The following KCNH1 variants were observed in gnomAD, a reference collection of about 807,000 sequenced individuals.
KCNH1 encodes the protein potassium voltage-gated channel subfamily H member 1.
Under a neutral mutation model 69.2 loss-of-function variants are expected in KCNH1, and 27 were observed. The observed-to-expected ratio is 0.39, with a 90% CI of 0.29 to 0.54. The LOEUF is 0.54. KCNH1 is among the 20% of genes least tolerant of loss of function. The pLI is 0.68. For synonymous variants in KCNH1, 456 were observed against 487.7 expected (o/e 0.93, Z 0.86); for missense variants, 798 against 1,261.6 (o/e 0.63, Z 5.57).
chr1:211,109,160 T>C (rs1454816017), intron 1 of KCNH1, among the ~76,000 whole-genome samples: 1 of 152,156 alleles, frequency 6.6e-6, no homozygotes, highest in Non-Finnish European at 1.5e-5. Flanking sequence ...TAAAATATGG[T>C]CACTGTCTTC....
intron 7 of KCNH1, among the ~76,000 whole-genome samples, chr1:210,818,754 T>C (rs1684868871): frequency 1.3e-5 from 2 of 152,206 alleles, no homozygotes; most frequent in East Asian, 3.8e-4. Flanking sequence ...AGCTCATATG[T>C]GGTAACCAAC....
intron 10 of KCNH1, among the ~76,000 whole-genome samples, chr1:210,705,526 G>A (rs1382985661): frequency 6.6e-6 from 1 of 152,208 alleles, no homozygotes; most frequent in Non-Finnish European, 1.5e-5. Context: ...TGAAGCCAGA[G>A]GGTCGACCCT....
intron 7 of KCNH1, among the ~76,000 whole-genome samples, chr1:210,857,112 C>T (rs953556205): frequency 2.0e-5 from 3 of 151,686 alleles, no homozygotes; most frequent in African/African-American, 7.3e-5. Context: ...GTTAACAAGA[C>T]CCTCAGGTGA....
intron 7 of KCNH1, among the ~76,000 whole-genome samples, chr1:210,876,413 C>A (rs1315535440): frequency 2.0e-5 from 3 of 152,092 alleles, no homozygotes; most frequent in Admixed American, 6.6e-5. Flanking sequence ...TTGACAGCCA[C>A]TCATTGGAAT....
At chr1:210,920,673 T>C (rs559086963) in intron 6 of KCNH1, among the ~76,000 whole-genome samples, 1 of 152,122 alleles carries the variant, frequency 6.6e-6, no homozygotes, top group Admixed American at 6.5e-5. Context: ...AAAATAAGTT[T>C]ATAAATTTAA....
chr1:210,739,405 G>A (rs1447051215), intron 10 of KCNH1, among the ~76,000 whole-genome samples: 1 of 152,202 alleles, frequency 6.6e-6, no homozygotes, highest in Non-Finnish European at 1.5e-5. Flanking sequence ...CATAGCTTCT[G>A]GAGTTAGGGA....
chr1:210,952,748 T>C (rs1235428764), intron 6 of KCNH1, among the ~76,000 whole-genome samples: 3 of 152,188 alleles, frequency 2.0e-5, no homozygotes, highest in Non-Finnish European at 4.4e-5. Flanking sequence ...TGGTTTCTAA[T>C]TTCAGGCTAG....
chr1:210,913,143 G>T (rs563570872), intron 7 of KCNH1, among the ~76,000 whole-genome samples: 1 of 152,134 alleles, frequency 6.6e-6, no homozygotes, highest in Non-Finnish European at 1.5e-5. Flanking sequence ...CAACTGAAAC[G>T]CATAGTAGTA....
chr1:210,769,838 T>C (rs1268376203), intron 10 of KCNH1, among the ~76,000 whole-genome samples: 11 of 152,278 alleles, frequency 7.2e-5, no homozygotes, highest in Non-Finnish European at 1.0e-4. Context: ...GTCTGGTTAT[T>C]AACCAAGGGC....
Position 210,682,044 on chromosome 1 carries a change from C to T in KCNH1, c.*1237G>A, listed in dbSNP as rs1446950959. 6.6e-6 allele frequency: 1 copy of T among 152,212 alleles called. No individual in the cohort carries two copies. The highest frequency in any genetic ancestry group is 2.4e-5 in the African/African-American group (1 of 41,446). The allele number at this position is 152,212 out of a possible 1,614,324, so 9.4% of individuals were successfully genotyped here. On this transcript the variant is annotated 3_prime_UTR_variant, in exon 11 of 11. Coordinates refer to ENST00000271751, the MANE Select transcript of KCNH1 (RefSeq NM_172362.3). ...GTGACCATCACTGGGAGCCACAGCT[C>T]CAAGGCCACTTCTCTCCATCACCTT...
At chr1:210,689,578 G>C (rs1681484380) in intron 10 of KCNH1, among the ~76,000 whole-genome samples, 1 of 152,196 alleles carries the variant, frequency 6.6e-6, no homozygotes. Flanking sequence ...TGAGGTGTGA[G>C]TCATTGAAAT....
rs186475847 is a variant in KCNH1, at chr1:210,839,395, G to A, written c.1463-35229C>T. 1.4e-4 allele frequency among the ~76,000 whole-genome samples: 21 copies of A among 152,044 alleles called. 2 individuals are homozygous for A. Among genetic ancestry groups the A allele is most frequent in the Admixed American group, 1.3e-3 (20 of 15,258 alleles). ...GGACACACGCTGGGGAACAACAAAC[G>A]CTGGGGAACAACAAATACTGGGGCC... On this transcript the variant is annotated intron_variant, in intron 7 of 10. Transcript: ENST00000271751.
chr1:211,076,596 A>T (rs1690738731), intron 5 of KCNH1, among the ~76,000 whole-genome samples: 1 of 152,232 alleles, frequency 6.6e-6, no homozygotes, highest in African/African-American at 2.4e-5. Context: ...CCAAAACCCC[A>T]TCTGTAGACC....
intron 6 of KCNH1, among the ~76,000 whole-genome samples, chr1:210,955,494 G>A (rs927787037): frequency 6.6e-6 from 1 of 152,168 alleles, no homozygotes; most frequent in African/African-American, 2.4e-5. Flanking sequence ...ATCTTGGGCA[G>A]TATGGCCATT....
At chr1:211,086,519 C>A (rs991307521) in intron 4 of KCNH1, among the ~76,000 whole-genome samples, 1 of 152,016 alleles carries the variant, frequency 6.6e-6, no homozygotes, top group Non-Finnish European at 1.5e-5. Flanking sequence ...GGGAAGTGGG[C>A]AGGAGCAGAA....
chr1:210,921,216 G>C (rs1687453281), intron 6 of KCNH1, among the ~76,000 whole-genome samples: 1 of 152,104 alleles, frequency 6.6e-6, no homozygotes, highest in Non-Finnish European at 1.5e-5. Context: ...CCAAACCTAA[G>C]GTGTTCTAAG....
chr1:211,130,010 T>C (rs1357920226), intron 1 of KCNH1, among the ~76,000 whole-genome samples: 2 of 152,232 alleles, frequency 1.3e-5, no homozygotes, highest in Non-Finnish European at 2.9e-5. Context: ...TGTAGTTTCC[T>C]GGCACCAAGG....
At chr1:210,915,404 T>C (rs188946783) in intron 7 of KCNH1, among the ~76,000 whole-genome samples, 14 of 152,298 alleles carry the variant, frequency 9.2e-5, no homozygotes, top group Non-Finnish European at 2.1e-4. Flanking sequence ...CTCCTAGATG[T>C]CACACAGAGG....
At chr1:210,786,255 C>T (rs59976150) in intron 9 of KCNH1, among the ~76,000 whole-genome samples, 8,020 of 152,250 alleles carry the variant, frequency 0.053, 670 homozygotes, top group African/African-American at 0.18. Flanking sequence ...CTAGCACACA[C>T]GTACGGTGTT....
Sources: allele counts gnomAD v4.1 joint callset (sites outside exome capture counted in the v4.1 genomes callset), GRCh38; gene constraint gnomAD v4.1.1; transcripts MANE v1.5; gene names NCBI Gene and HGNC (gene_info 2026-07-23, HGNC 2026-07-21).